The following FARS2 variants were observed in gnomAD, a reference collection of about 807,000 sequenced individuals.
The protein encoded by FARS2 is phenylalanyl-tRNA synthetase 2, mitochondrial, also known as phenylalanine--tRNA ligase, mitochondrial.
In FARS2, 40 loss-of-function variants were observed where a neutral mutation model predicts 46.4. The ratio of observed to expected loss-of-function variants is 0.86; its 90% confidence interval spans 0.67 to 1.12. FARS2 has a LOEUF of 1.12. FARS2 is among the 50% of genes most tolerant of loss of function. FARS2 has a pLI of 0.00. For synonymous variants in FARS2, 234 were observed against 214.9 expected (o/e 1.09, Z -0.78); for missense variants, 513 against 567.9 (o/e 0.90, Z 0.98).
Position 5,727,558 on chromosome 6 carries a change from A to C in FARS2, c.1218-43733A>C, listed in dbSNP as rs907033811. On this transcript the variant is annotated intron_variant, in intron 6 of 6. Coordinates refer to ENST00000274680, the MANE Select transcript of FARS2 (RefSeq NM_006567.5). The surrounding 1 kb of genome is among the most constrained non-coding windows in gnomAD (Gnocchi z 4.1). ...TCAGGACTTGGCTCTGTGAGTCTGC[A>C]GCCTTGTTCAGCCCTCCCTGCAGCT... Among the ~76,000 whole-genome samples, 1 of 152,176 alleles carries C rather than the reference A, an allele frequency of 6.6e-6. No individual in the cohort carries two copies. The highest frequency in any genetic ancestry group is 6.5e-5 in the Admixed American group (1 of 15,284).
At chr6:5,644,452 A>G (rs1007533406) in intron 6 of FARS2, among the ~76,000 whole-genome samples, 4 of 152,158 alleles carry the variant, frequency 2.6e-5, no homozygotes, top group Admixed American at 6.5e-5. Context: ...AGCTCAAGCA[A>G]TCTGCCCACC....
At chr6:5,723,132 TTAAG>T (rs921720575) in intron 6 of FARS2, among the ~76,000 whole-genome samples, 1 of 151,930 alleles carries the variant, frequency 6.6e-6, no homozygotes, top group Admixed American at 6.6e-5. Context: ...TGTGATCTTA[TTAAG>T]TAAGGGTGAG....
intron 5 of FARS2, among the ~76,000 whole-genome samples, chr6:5,578,680 G>T (rs1320516184): frequency 6.6e-6 from 1 of 151,514 alleles, no homozygotes; most frequent in Non-Finnish European, 1.5e-5. Context: ...GTGGTGGTGG[G>T]CGCCTATAGT....
In FARS2 at chr6:5,265,188, A is replaced by C. The variant is rs144196808; in HGVS notation, c.-22+3528A>C. ...AGAGGAATATTGAACCAGGAGTTTC[A>C]CCTATGGGAAGGCTTTCCATCGTAG... is the stretch of plus-strand genomic sequence containing the variant. On this transcript the variant is annotated intron_variant, in intron 1 of 6. Coordinates refer to ENST00000274680, the MANE Select transcript of FARS2 (RefSeq NM_006567.5). Among the ~76,000 whole-genome samples, 421 of 152,350 alleles carry C rather than the reference A, an allele frequency of 2.8e-3. 1 individual carries two copies. Among genetic ancestry groups the C allele is most frequent in the African/African-American group, 8.0e-3 (334 of 41,574 alleles).
chr6:5,432,481 A>C (rs1161019751), intron 4 of FARS2, among the ~76,000 whole-genome samples: 5 of 128,642 alleles, frequency 3.9e-5, no homozygotes, highest in African/African-American at 1.2e-4. Flanking sequence ...TTTTTTATAT[A>C]TAATATATAT....
At chr6:5,421,380 C>A (rs1015509244) in intron 3 of FARS2, among the ~76,000 whole-genome samples, 4 of 152,214 alleles carry the variant, frequency 2.6e-5, no homozygotes. Context: ...AGGGCTGCCA[C>A]AAAGACCTCT....
chr6:5,689,346 A>C (rs1757503146), intron 6 of FARS2, among the ~76,000 whole-genome samples: 1 of 151,552 alleles, frequency 6.6e-6, no homozygotes, highest in African/African-American at 2.4e-5. Context: ...AGTGCTATAA[A>C]TTTCCCTCTA....
chr6:5,376,234 C>T (rs1759369909), intron 2 of FARS2, among the ~76,000 whole-genome samples: 1 of 152,190 alleles, frequency 6.6e-6, no homozygotes, highest in Non-Finnish European at 1.5e-5. Context: ...TACTCATATA[C>T]TTTTATGTGT....
intron 1 of FARS2, among the ~76,000 whole-genome samples, chr6:5,355,830 AGACACCTACTAT>A (rs1332076866): frequency 6.6e-6 from 1 of 152,200 alleles, no homozygotes; most frequent in Non-Finnish European, 1.5e-5. Flanking sequence ...TCTTCCTTGG[AGACACCTACTAT>A]GATCAATTTC....
chr6:5,345,448 C>T (rs1005580110), intron 1 of FARS2, among the ~76,000 whole-genome samples: 1 of 152,088 alleles, frequency 6.6e-6, no homozygotes, highest in Middle Eastern at 3.2e-3. Context: ...TCACTTCACC[C>T]CGAGGTACAG....
At chr6:5,432,314 TAAAAAAAA>T (rs775731412) in intron 4 of FARS2, among the ~76,000 whole-genome samples, 50 of 97,446 alleles carry the variant, frequency 5.1e-4, no homozygotes, top group Admixed American at 3.1e-3. Context: ...CACTCAGTCT[TAAAAAAAA>T]AAAAAATATA....
At chr6:5,705,255 A>T (rs1034279068) in intron 6 of FARS2, among the ~76,000 whole-genome samples, 2 of 152,252 alleles carry the variant, frequency 1.3e-5, no homozygotes, top group African/African-American at 4.8e-5. Flanking sequence ...GTTTTTTAAT[A>T]GTCCCAGGTA....
At chr6:5,321,737 T>C (rs1401119138) in intron 1 of FARS2, among the ~76,000 whole-genome samples, 1 of 152,226 alleles carries the variant, frequency 6.6e-6, no homozygotes, top group Non-Finnish European at 1.5e-5. Context: ...TGGTTAAATG[T>C]GGGAACCTCC....
At chr6:5,276,028 T>C (rs1208201930) in intron 1 of FARS2, among the ~76,000 whole-genome samples, 2 of 152,212 alleles carry the variant, frequency 1.3e-5, no homozygotes, top group South Asian at 4.1e-4. Context: ...TTTAGCTCTG[T>C]TACTAGTCAC....
At chr6:5,611,000 T>C (rs1349511204) in intron 5 of FARS2, among the ~76,000 whole-genome samples, 2 of 152,246 alleles carry the variant, frequency 1.3e-5, no homozygotes, top group Non-Finnish European at 2.9e-5. Flanking sequence ...GGCTCTGTAA[T>C]GTGCTCCTCT....
At chr6:5,701,610 G>T (rs527591977) in intron 6 of FARS2, among the ~76,000 whole-genome samples, 1 of 152,320 alleles carries the variant, frequency 6.6e-6, no homozygotes, top group South Asian at 2.1e-4. Flanking sequence ...CAATATCAAG[G>T]CTTGACAGTG....
At chr6:5,342,827 C>T (rs1247104378) in intron 1 of FARS2, among the ~76,000 whole-genome samples, 1 of 151,514 alleles carries the variant, frequency 6.6e-6, no homozygotes, top group Admixed American at 6.6e-5. Context: ...AAACATATCC[C>T]AAATTCCAAG....
At chr6:5,283,813 A>T (rs1383103755) in intron 1 of FARS2, among the ~76,000 whole-genome samples, 1 of 152,158 alleles carries the variant, frequency 6.6e-6, no homozygotes, top group Non-Finnish European at 1.5e-5. Flanking sequence ...TTCTTAATTT[A>T]CTTAGCCAGT....
chr6:5,285,915 T>A (rs1162395517), intron 1 of FARS2, among the ~76,000 whole-genome samples: 1 of 152,198 alleles, frequency 6.6e-6, no homozygotes, highest in Admixed American at 6.5e-5. Flanking sequence ...AGAAAGTTCA[T>A]ACCTGTGGAG....
Sources: gnomAD v4.1 joint callset for allele counts (sites outside exome capture counted in the v4.1 genomes callset) on GRCh38, gnomAD v4.1.1 for gene constraint, Gnocchi (gnomAD v3.1) non-coding constraint, MANE v1.5 for transcripts, NCBI Gene and HGNC (gene_info 2026-07-23, HGNC 2026-07-21) for gene names.